PLCL2: variants seen among roughly 807,000 people sequenced by gnomAD.
PLCL2 encodes phospholipase C like 2.
PLCL2 carries 4 observed loss-of-function variants against 79.6 expected under a neutral mutation model. The observed-to-expected ratio is 0.05, with a 90% CI of 0.02 to 0.11. PLCL2 has a LOEUF of 0.11. Ranked by LOEUF, PLCL2 falls within the 10% of genes least tolerant of loss-of-function variation. The pLI is 1.00. For missense variants in PLCL2, 895 were observed against 1,291.0 expected (o/e 0.69, Z 4.70); for synonymous variants, 484 against 457.7 (o/e 1.06, Z -0.73).
intron 1 of PLCL2, among the ~76,000 whole-genome samples, chr3:17,007,035 C>T (rs1559515855): frequency 6.6e-6 from 1 of 152,012 alleles, no homozygotes; most frequent in Non-Finnish European, 1.5e-5. Flanking sequence ...GTGGATAAAC[C>T]ACATCCATAT....
chr3:16,914,654 G>A (rs934012668), intron 1 of PLCL2, among the ~76,000 whole-genome samples: 1 of 151,752 alleles, frequency 6.6e-6, no homozygotes. Flanking sequence ...TATAGAATTT[G>A]TTAGCGTCTT....
At chr3:16,961,376 C>T (rs2063753291) in intron 1 of PLCL2, among the ~76,000 whole-genome samples, 1 of 152,188 alleles carries the variant, frequency 6.6e-6, no homozygotes. Context: ...ATAGAGCCTT[C>T]AAAGAGCTTA....
intron 1 of PLCL2, among the ~76,000 whole-genome samples, chr3:16,951,075 G>A (rs1032926347): frequency 6.6e-6 from 1 of 152,076 alleles, no homozygotes; most frequent in African/African-American, 2.4e-5. Context: ...CAACAGTGCT[G>A]TTTGAGAAAC....
At chr3:17,022,535 T>C (rs1392515205) in intron 3 of PLCL2, among the ~76,000 whole-genome samples, 1 of 152,226 alleles carries the variant, frequency 6.6e-6, no homozygotes, top group East Asian at 1.9e-4. Flanking sequence ...GGATTTTATG[T>C]ATCTTTAAAA....
chr3:17,063,228 C>T (rs867120103), intron 4 of PLCL2, among the ~76,000 whole-genome samples: 168 of 73,384 alleles, frequency 2.3e-3, no homozygotes, highest in Middle Eastern at 5.3e-3. Flanking sequence ...CTTCCTTCCT[C>T]CCTCCCTCCC....
intron 4 of PLCL2, among the ~76,000 whole-genome samples, chr3:17,043,369 T>C (rs2064746366): frequency 6.6e-6 from 1 of 152,196 alleles, no homozygotes; most frequent in Non-Finnish European, 1.5e-5. Flanking sequence ...TGGATTCCAG[T>C]TACAACCTCC....
Position 17,010,225 on chromosome 3 carries a change from G to A in PLCL2, c.879G>A (p.Val293=), listed in dbSNP as rs1326662747. 1.2e-6 allele frequency: 2 copies of A among 1,613,938 alleles called. No individual in the cohort carries two copies. Among genetic ancestry groups the A allele is most frequent in the Admixed American group, 1.7e-5 (1 of 60,018 alleles). The change falls in exon 2 of 6, where the codon GTG becomes GTA. Residue 293 remains valine, a synonymous_variant. Coordinates refer to ENST00000615277, the MANE Select transcript of PLCL2 (RefSeq NM_001144382.2). The surrounding 1 kb of genome is among the most constrained non-coding windows in gnomAD (Gnocchi z 5.8). ...GACATATAACTCTGTGTAATGCTGT[G>A]CAATGTATCAGAAACCTCAATCCTG... ...NLGHITLCNA[V]QCIRNLNPGL...
At chr3:17,039,650 T>C (rs1465279855) in intron 3 of PLCL2, among the ~76,000 whole-genome samples, 5 of 152,212 alleles carry the variant, frequency 3.3e-5, no homozygotes, top group Non-Finnish European at 7.3e-5. Flanking sequence ...ATAAGTTTTC[T>C]GCCTGCCTTG....
At chr3:17,064,563 G>T (rs566937717) in intron 4 of PLCL2, among the ~76,000 whole-genome samples, 1 of 152,048 alleles carries the variant, frequency 6.6e-6, no homozygotes, top group East Asian at 1.9e-4. Flanking sequence ...CCTGGCGCTC[G>T]CATGTCACAG....
rs540559246 is a variant in PLCL2, at chr3:16,986,091, G to T, written c.328-23583G>T. ...GTCCAACCAATATGAACAGGCACAA[G>T]GAGCTGTAGGGGGAAAGCAGCCAGC... On this transcript the variant is annotated intron_variant, in intron 1 of 5. Coordinates refer to ENST00000615277, the MANE Select transcript of PLCL2 (RefSeq NM_001144382.2). Among the ~76,000 whole-genome samples the T allele has an allele frequency of 1.1e-4, 17 of 152,212 alleles. No homozygotes were observed. In the South Asian group the frequency reaches 3.5e-3, roughly 32 times the overall value.
intron 1 of PLCL2, among the ~76,000 whole-genome samples, chr3:16,939,241 G>A (rs1280952441): frequency 1.3e-5 from 2 of 152,204 alleles, no homozygotes; most frequent in African/African-American, 4.8e-5. Flanking sequence ...AACTACTAGT[G>A]TTTAGTCTTC....
At chr3:17,005,037 C>G (rs1043506741) in intron 1 of PLCL2, among the ~76,000 whole-genome samples, 3 of 152,042 alleles carry the variant, frequency 2.0e-5, no homozygotes, top group African/African-American at 7.2e-5. Context: ...ACTGCTTAGA[C>G]TTGGTGACTG....
chr3:16,907,207 G>GT (rs889804193), intron 1 of PLCL2, among the ~76,000 whole-genome samples: 50 of 152,212 alleles, frequency 3.3e-4, no homozygotes, highest in African/African-American at 1.1e-3. Context: ...TCAGTTTATA[G>GT]TTTAAACTTT....
chr3:17,080,683 T>C (rs1348964648), intron 5 of PLCL2, among the ~76,000 whole-genome samples: 1 of 152,184 alleles, frequency 6.6e-6, no homozygotes, highest in African/African-American at 2.4e-5. Flanking sequence ...ACTCCTGACC[T>C]CAGGTGATCC....
At chr3:16,971,910 C>G (rs1246171728) in intron 1 of PLCL2, among the ~76,000 whole-genome samples, 3 of 152,086 alleles carry the variant, frequency 2.0e-5, no homozygotes, top group African/African-American at 4.8e-5. Context: ...AGCATATAAA[C>G]AGAACCAAAG....
intron 2 of PLCL2, among the ~76,000 whole-genome samples, chr3:17,013,763 A>G (rs1478135875): frequency 6.6e-6 from 1 of 152,226 alleles, no homozygotes; most frequent in Non-Finnish European, 1.5e-5. Context: ...TGTGCCTGAA[A>G]TAGCCCACCT....
intron 5 of PLCL2, among the ~76,000 whole-genome samples, chr3:17,068,904 T>C (rs2065034954): frequency 6.6e-6 from 1 of 152,198 alleles, no homozygotes; most frequent in Non-Finnish European, 1.5e-5. Flanking sequence ...GGTTATTTCA[T>C]TCCAGGTCTT....
chr3:17,034,545 C>G (rs1368878378), intron 3 of PLCL2, among the ~76,000 whole-genome samples: 1 of 152,094 alleles, frequency 6.6e-6, no homozygotes, highest in Non-Finnish European at 1.5e-5. Context: ...TTTAATACAC[C>G]ACCACTATGA....
intron 1 of PLCL2, among the ~76,000 whole-genome samples, chr3:16,970,167 C>A (rs1185494679): frequency 1.3e-5 from 2 of 151,778 alleles, no homozygotes; most frequent in South Asian, 4.2e-4. Flanking sequence ...CCCATTAACT[C>A]ATCATTTAGC....
Sources: gnomAD v4.1 joint callset for allele counts (sites outside exome capture counted in the v4.1 genomes callset) on GRCh38, gnomAD v4.1.1 for gene constraint, Gnocchi (gnomAD v3.1) non-coding constraint, MANE v1.5 for transcripts, NCBI Gene and HGNC (gene_info 2026-07-23, HGNC 2026-07-21) for gene names.